HMCN1: variants seen among roughly 807,000 people sequenced by gnomAD.
The protein encoded by HMCN1 is hemicentin 1.
Under a neutral mutation model 625.9 loss-of-function variants are expected in HMCN1, and 321 were observed. The ratio of observed to expected loss-of-function variants is 0.51; its 90% CI spans 0.47 to 0.56. HMCN1 has a LOEUF of 0.56. Ranked by LOEUF, HMCN1 falls within the 20% of genes least tolerant of loss-of-function variation. HMCN1 has a pLI of 0.00. For missense variants in HMCN1, 6,588 were observed against 6,887.3 expected (o/e 0.96, Z 1.54); for synonymous variants, 2,425 against 2,417.6 (o/e 1.00, Z -0.09).
At chr1:185,809,438 A>G (rs1330451478) in intron 1 of HMCN1, among the ~76,000 whole-genome samples, 2 of 150,998 alleles carry the variant, frequency 1.3e-5, no homozygotes, top group Non-Finnish European at 2.9e-5. Flanking sequence ...GGCATTATAT[A>G]TACTATAACA....
At chr1:186,083,727 G>A (rs971252375) in intron 57 of HMCN1, among the ~76,000 whole-genome samples, 9 of 152,096 alleles carry the variant, frequency 5.9e-5, no homozygotes, top group African/African-American at 2.2e-4. Context: ...TATGTAGTAT[G>A]ATAAATATTC....
intron 106 of HMCN1, among the ~76,000 whole-genome samples, chr1:186,188,382 G>C (rs1452102586): frequency 6.6e-6 from 1 of 152,168 alleles, no homozygotes; most frequent in Non-Finnish European, 1.5e-5. Context: ...CACACTTAGA[G>C]CCCACCATGA....
intron 97 of HMCN1, among the ~76,000 whole-genome samples, chr1:186,156,569 T>G (rs1651032505): frequency 6.6e-6 from 1 of 152,210 alleles, no homozygotes; most frequent in Non-Finnish European, 1.5e-5. Flanking sequence ...ATAAATTGGT[T>G]CAACATTTCT....
chr1:185,968,246 T>G (rs1409340120), intron 14 of HMCN1, among the ~76,000 whole-genome samples: 1 of 152,110 alleles, frequency 6.6e-6, no homozygotes, highest in African/African-American at 2.4e-5. Context: ...TGATGTGTGA[T>G]GTCCAATAGA....
At chr1:186,182,016 T>C (rs1236807225) in intron 104 of HMCN1, 152 bp from the exon 105 acceptor site, 1 of 767,248 alleles carries the variant, frequency 1.3e-6, no homozygotes, top group African/African-American at 1.7e-5. Flanking sequence ...AGTATCTTCA[T>C]AGAAAATAGC....
Position 185,997,510 on chromosome 1 carries a change from C to A in HMCN1, c.3860C>A (p.Pro1287Gln). Residue 1287 changes from proline to glutamine, a missense_variant, in exon 25 of 107, where the codon CCA (proline) becomes CAA (glutamine). By Grantham distance (76) the Pro-to-Gln change is moderately conservative. Transcript: ENST00000271588. ...GTGGCCAATCAACGCATTGAATTTCCATGTCCTGCAAAAGGTACGTAATAC... is the reference window on the plus strand; with the variant it reads ...GTGGCCAATCAACGCATTGAATTTCAATGTCCTGCAAAAGGTACGTAATAC... ...ERVANQRIEF[P>Q]CPAKGTPKPT... 2 of 1,607,690 alleles carry A rather than the reference C, an allele frequency of 1.2e-6. No homozygotes were observed. The highest frequency in any genetic ancestry group is 8.5e-7 in the Non-Finnish European group (1 of 1,174,632).
At chr1:185,743,017 CT>C (rs1654093356) in intron 1 of HMCN1, among the ~76,000 whole-genome samples, 1 of 152,154 alleles carries the variant, frequency 6.6e-6, no homozygotes, top group South Asian at 2.1e-4. Context: ...CAGCCTTCTA[CT>C]TTATTGTTGA....
intron 97 of HMCN1, among the ~76,000 whole-genome samples, chr1:186,161,042 T>C (rs949738171): frequency 6.6e-6 from 1 of 152,226 alleles, no homozygotes; most frequent in African/African-American, 2.4e-5. Context: ...CCATTATTAA[T>C]GTGTGGGAGT....
intron 18 of HMCN1, 148 bp from the exon 19 acceptor site, chr1:185,984,021 G>T: frequency 3.2e-6 from 2 of 632,536 alleles, no homozygotes; most frequent in Non-Finnish European, 5.5e-6. Context: ...TAACATTTAT[G>T]CTCATCGTTC....
intron 25 of HMCN1, among the ~76,000 whole-genome samples, chr1:185,998,770 C>T (rs1652978261): frequency 6.6e-6 from 1 of 152,088 alleles, no homozygotes; most frequent in South Asian, 2.1e-4. Flanking sequence ...TTTCATCTTG[C>T]TCATGGTTGT....
chr1:185,802,536 A>C (rs1658870381), intron 1 of HMCN1, among the ~76,000 whole-genome samples: 1 of 152,144 alleles, frequency 6.6e-6, no homozygotes, highest in African/African-American at 2.4e-5. Flanking sequence ...AAGAGCACGC[A>C]ACTGAAAGAC....
rs368184755 is a variant in HMCN1 at position 186,039,034 on chromosome 1, T to C, written c.6028+29T>C. 33 of 1,486,436 alleles carry C rather than the reference T, an allele frequency of 2.2e-5. No homozygotes were observed. In the African/African-American group the frequency reaches 4.1e-4, roughly 19 times the overall value. 92.1% of individuals were successfully genotyped at this position (1,486,436 alleles called of 1,614,324 possible). A position where few individuals can be genotyped will look rare whatever the true frequency, so the allele number is the denominator to read the frequency against. On this transcript the variant is annotated intron_variant, in intron 38 of 106. Transcript: ENST00000271588. ...AGTGCCACTTCACCTAGATTCATTC[T>C]GGGGTAAAGAAGCATTCAAAATGAT...
At position 186,190,714 on chromosome 1, in the gene HMCN1, TA is replaced by T. The variant is rs886045697; in HGVS notation, c.*841del. ...TACCAGTGGGACAGATTTGGTTTTT[TA>T]AAAATCTCATGTGTTCAAATTAACA... On this transcript the variant is annotated 3_prime_UTR_variant, in exon 107 of 107. Transcript: ENST00000271588. 1 of 195,070 alleles carries T rather than the reference TA, an allele frequency of 5.1e-6. No homozygotes were observed. The highest frequency in any genetic ancestry group is 1.1e-5 in the Non-Finnish European group (1 of 93,506). The allele number at this position is 195,070 out of a possible 1,614,324, so 12.1% of individuals were successfully genotyped here. A position where few individuals can be genotyped will look rare whatever the true frequency, so the allele number is the denominator to read the frequency against.
At chr1:186,057,031 T>TCTCTCA (rs1553284156) in intron 45 of HMCN1, among the ~76,000 whole-genome samples, 7 of 147,934 alleles carry the variant, frequency 4.7e-5, no homozygotes, top group African/African-American at 1.7e-4. Context: ...TCCAGGAATG[T>TCTCTCA]CACACACACA....
chr1:185,870,092 T>C (rs1663517703), intron 4 of HMCN1, among the ~76,000 whole-genome samples: 1 of 151,434 alleles, frequency 6.6e-6, no homozygotes, highest in Non-Finnish European at 1.5e-5. Context: ...TTATTTAACA[T>C]AAAAGGGAAA....
At chr1:185,887,439 C>T (rs1226644608) in intron 4 of HMCN1, among the ~76,000 whole-genome samples, 1 of 150,542 alleles carries the variant, frequency 6.6e-6, no homozygotes, top group African/African-American at 2.4e-5. Flanking sequence ...GTATATCTCC[C>T]AATGCTATCC....
intron 50 of HMCN1, among the ~76,000 whole-genome samples, chr1:186,068,427 G>A (rs1056875429): frequency 1.8e-4 from 27 of 152,060 alleles, no homozygotes; most frequent in African/African-American, 6.3e-4. Flanking sequence ...AAAGATAAAG[G>A]ATTATTTCTG....
rs1334258935 is a variant in HMCN1, at chr1:186,178,575, G to A, written c.16103G>A (p.Ser5368Asn). ...ERLPNYGTQYSSYNLARFSPV... is the reference protein window; with the variant it reads ...ERLPNYGTQYNSYNLARFSPV... ...CTGCCAAATTATGGCACTCAATACA[G>A]TAGCTATAACCTTGCACGGTTCTCC... The change falls in exon 104 of 107, where the codon AGT (serine) becomes AAT (asparagine). Residue 5368 changes from serine to asparagine, a missense_variant. This residue lies in a region of HMCN1 where 1,954 missense variants were observed against 2,013.1 expected (regional missense o/e 0.97). Transcript: ENST00000271588. 1 of 1,614,112 alleles carries A rather than the reference G, an allele frequency of 6.2e-7. No homozygotes were observed. Among genetic ancestry groups the A allele is most frequent in the Non-Finnish European group, 8.5e-7 (1 of 1,180,014 alleles).
chr1:185,764,982 A>T (rs969629481), intron 1 of HMCN1, among the ~76,000 whole-genome samples: 5 of 152,072 alleles, frequency 3.3e-5, no homozygotes, highest in African/African-American at 9.7e-5. Flanking sequence ...ACTTTCTTCT[A>T]ACTCACCCTC....
Sources: allele counts gnomAD v4.1 joint callset (sites outside exome capture counted in the v4.1 genomes callset), GRCh38; gene constraint gnomAD v4.1.1; regional missense constraint gnomAD v4.1.1; transcripts MANE v1.5; gene names NCBI Gene and HGNC (gene_info 2026-07-23, HGNC 2026-07-21).